The following FNDC1 variants were observed in gnomAD, a reference collection of about 807,000 sequenced individuals.
FNDC1 encodes fibronectin type III domain-containing protein 1.
A neutral mutation model predicts 168.0 loss-of-function variants in FNDC1; 96 were observed. That is an observed-to-expected ratio of 0.57 (90% confidence interval 0.48 to 0.68). The LOEUF is 0.68. Among genes scored for constraint, FNDC1 ranks in the 30% least tolerant of loss-of-function variants. FNDC1 has a pLI of 0.00. For missense variants in FNDC1, 2,587 were observed against 2,482.1 expected, an observed-to-expected ratio of 1.04 and a Z score of -0.90; for synonymous variants, 1,099 against 1,025.9, an observed-to-expected ratio of 1.07 and a Z score of -1.36.
chr6:159,233,519 C>G lies in FNDC1; in HGVS notation c.3007C>G (p.Gln1003Glu), dbSNP rs370434. 1,403,973 of 1,600,754 alleles carry G rather than the reference C, an allele frequency of 0.88. 618,194 individuals are homozygous for G. The highest frequency in any genetic ancestry group is 0.91 in the Middle Eastern group (5,492 of 6,056). ...PRRMTPGRAP[Q>E]QQPPPPVATS... ...AAGGATGACACCCGGCCGGGCCCCA[C>G]AACAGCAGCCCCCTCCTCCCGTCGC... is the stretch of plus-strand genomic sequence containing the variant. The change falls in exon 11 of 23, where the codon CAA becomes GAA. Residue 1003 changes from glutamine to glutamate, a missense_variant. Gln to Glu is a conservative substitution (Grantham distance 29, BLOSUM62 2). Coordinates refer to ENST00000297267, the MANE Select transcript of FNDC1 (RefSeq NM_032532.3). This position sits in a 1 kb window ranked among gnomAD's most constrained non-coding sequence, Gnocchi z 4.6.
In FNDC1 at chr6:159,251,480, C is replaced by T. The variant is rs763700928; in HGVS notation, c.5013C>T (p.His1671=). 3 of 1,613,802 alleles carry T rather than the reference C, an allele frequency of 1.9e-6. No individual in the cohort carries two copies. The African/African-American group carries it at 4.0e-5, about 22-fold the overall frequency. ...CCGTGGTGGCCGTGGAAGGTTGCCACTCATTTGTCATTGTGGACTGGGACA... is the reference window on the plus strand; with the variant it reads ...CCGTGGTGGCCGTGGAAGGTTGCCATTCATTTGTCATTGTGGACTGGGACA... The part of the protein sequence containing the change: ...NITVVAVEGC[H]SFVIVDWDKA... The change falls in exon 17 of 23, where the codon CAC becomes CAT. Residue 1671 remains histidine, a synonymous_variant. Transcript: ENST00000297267.
chr6:159,206,754 A>C (rs1782494353), intron 4 of FNDC1, among the ~76,000 whole-genome samples: 1 of 152,218 alleles, frequency 6.6e-6, no homozygotes, highest in Non-Finnish European at 1.5e-5. Flanking sequence ...GCCAAAAAAA[A>C]AGATGTGTGC....
At chr6:159,256,960 A>G (rs294888) in intron 18 of FNDC1, among the ~76,000 whole-genome samples, 99,463 of 152,138 alleles carry the variant, frequency 0.65, 33,477 homozygotes, top group Middle Eastern at 0.77. Flanking sequence ...ACTAGGCATC[A>G]TGACCTTCAT....
intron 18 of FNDC1, among the ~76,000 whole-genome samples, chr6:159,257,069 A>AAC (rs1365519308): frequency 2.0e-5 from 3 of 152,236 alleles, no homozygotes; most frequent in African/African-American, 4.8e-5. Context: ...TGCATTTTAC[A>AAC]CATTTGTAGA....
intron 1 of FNDC1, among the ~76,000 whole-genome samples, chr6:159,196,968 C>T (rs184743968): frequency 5.3e-5 from 8 of 152,278 alleles, no homozygotes; most frequent in African/African-American, 1.9e-4. Context: ...CTGCTGTTAT[C>T]TCACTTAGAA....
In FNDC1 at chr6:159,232,599, C is replaced by T. The variant is rs199926859; in HGVS notation, c.2087C>T (p.Pro696Leu). The T allele has an allele frequency of 5.0e-6, 8 of 1,607,796 alleles. No homozygotes were observed. The highest frequency in any genetic ancestry group is 5.1e-6 in the Non-Finnish European group (6 of 1,176,286). Residue 696 changes from proline to leucine, a missense_variant, in exon 11 of 23, where the codon CCG (proline) becomes CTG (leucine). By Grantham distance (98) the Pro-to-Leu change is moderately conservative. Coordinates refer to ENST00000297267, the MANE Select transcript of FNDC1 (RefSeq NM_032532.3). This position sits in a 1 kb window ranked among gnomAD's most constrained non-coding sequence, Gnocchi z 4.9. Reference protein sequence around the residue: ...SVHPGAKPASPARRTPHSGAA... With the variant: ...SVHPGAKPASLARRTPHSGAA... ...CACCCCGGCGCAAAGCCAGCCTCGC[C>T]GGCCCGGAGGACCCCCCATTCAGGG...
At chr6:159,214,689 CG>C (rs1782673290) in intron 4 of FNDC1, among the ~76,000 whole-genome samples, 1 of 152,190 alleles carries the variant, frequency 6.6e-6, no homozygotes. Flanking sequence ...AGATTTCTGG[CG>C]GGCAGTCTCA....
chr6:159,221,302 A>G (rs531711747), intron 5 of FNDC1, among the ~76,000 whole-genome samples: 1 of 152,128 alleles, frequency 6.6e-6, no homozygotes, highest in Admixed American at 6.5e-5. Flanking sequence ...CTTTTTGATG[A>G]TTTTGTTTTT....
intron 5 of FNDC1, 103 bp downstream of exon 5, chr6:159,215,254 G>A (rs1782686475): frequency 1.0e-6 from 1 of 996,116 alleles, no homozygotes; most frequent in Non-Finnish European, 1.5e-6. Flanking sequence ...TAGTTGTAAT[G>A]TCCACTTGCC....
intron 19 of FNDC1, 102 bp from the exon 20 acceptor site, chr6:159,264,873 T>C (rs1777557451): frequency 1.1e-6 from 1 of 903,670 alleles, no homozygotes; most frequent in African/African-American, 1.7e-5. Context: ...ATCTTTTTCT[T>C]TATTCTAATT....
intron 5 of FNDC1, among the ~76,000 whole-genome samples, chr6:159,216,116 C>CA (rs1246381721): frequency 1.3e-5 from 2 of 152,146 alleles, no homozygotes; most frequent in African/African-American, 4.8e-5. Flanking sequence ...CACGTGCCAC[C>CA]ACACCCAGCT....
chr6:159,260,936 C>T (rs1380230443), intron 18 of FNDC1, among the ~76,000 whole-genome samples: 1 of 152,218 alleles, frequency 6.6e-6, no homozygotes, highest in Non-Finnish European at 1.5e-5. Context: ...CAGCAAGCAA[C>T]CTGTGTTCTA....
rs1336194635 is a variant in FNDC1, at chr6:159,271,230, A to T, written c.5570-97A>T. ...TAGCGTTTTGTCACAAGAACAACTT[A>T]TCAGAGGCCTTCTGTCTGAAGGAGG... is the stretch of plus-strand genomic sequence containing the variant. On this transcript the variant is annotated intron_variant, in intron 22 of 22. Coordinates refer to ENST00000297267, the MANE Select transcript of FNDC1 (RefSeq NM_032532.3). The T allele has an allele frequency of 3.8e-6, 3 of 781,522 alleles. No individual in the cohort carries two copies. In the African/African-American group the frequency reaches 5.2e-5, roughly 14 times the overall value. 48.4% of individuals were successfully genotyped at this position (781,522 alleles called of 1,614,324 possible).
Position 159,175,375 on chromosome 6 carries a change from C to G in FNDC1, c.109+5670C>G, listed in dbSNP as rs1781740585. On this transcript the variant is annotated intron_variant, in intron 1 of 22. Transcript: ENST00000297267. Reference sequence around the variant, plus strand: ...TTCCCTAAGTCTGTAATCTAATACTCAGTCTTTGCGGTCCAGATCCCACAC... The same window carrying G: ...TTCCCTAAGTCTGTAATCTAATACTGAGTCTTTGCGGTCCAGATCCCACAC... 2.0e-5 allele frequency among the ~76,000 whole-genome samples: 3 copies of G among 152,132 alleles called. No homozygotes were observed. In the South Asian group the frequency reaches 6.2e-4, roughly 32 times the overall value.
chr6:159,261,712 G>A (rs1429316708), intron 19 of FNDC1, among the ~76,000 whole-genome samples: 5 of 152,076 alleles, frequency 3.3e-5, no homozygotes, highest in Non-Finnish European at 5.9e-5. Context: ...ATATTGAGAG[G>A]TTAATTACAG....
chr6:159,223,553 C>T lies in FNDC1; in HGVS notation c.792C>T (p.Asp264=), dbSNP rs778983338. 137 of 1,613,068 alleles carry T rather than the reference C, an allele frequency of 8.5e-5. 1 individual carries two copies. Among genetic ancestry groups the T allele is most frequent in the South Asian group, 9.9e-5 (9 of 90,986 alleles). ...ISEEDELDVP[D]DISVRVMSSQ... Reference sequence around the variant, plus strand: ...AAGAGGACGAATTGGATGTACCTGACGACATCAGCGTCCGGGTTATGTCAT... The same window carrying T: ...AAGAGGACGAATTGGATGTACCTGATGACATCAGCGTCCGGGTTATGTCAT... Residue 264 remains aspartate (D), a synonymous_variant, in exon 7 of 23, where the codon GAC becomes GAT. Transcript: ENST00000297267.
At position 159,232,918 on chromosome 6, in the gene FNDC1, G is replaced by A. The variant is rs1347954869; in HGVS notation, c.2406G>A (p.Glu802=). 6.2e-7 allele frequency: 1 copy of A among 1,611,868 alleles called. No individual in the cohort carries two copies. Among genetic ancestry groups the A allele is most frequent in the South Asian group, 1.1e-5 (1 of 90,964 alleles). ...GDREDGGRQA[E]ATAQTLRARP... is the part of the protein sequence containing the mutation. ...GGGAAGACGGCGGAAGGCAGGCGGAGGCCACGGCCCAGACGCTGCGGGCCC... is the reference window on the plus strand; with the variant it reads ...GGGAAGACGGCGGAAGGCAGGCGGAAGCCACGGCCCAGACGCTGCGGGCCC... The change falls in exon 11 of 23, where the codon GAG becomes GAA. Residue 802 remains glutamate, a synonymous_variant. Transcript: ENST00000297267. The surrounding 1 kb of genome is among the most constrained non-coding windows in gnomAD (Gnocchi z 4.9).
Position 159,269,273 on chromosome 6 carries a change from T to TATCCATCC in FNDC1, c.5569+1350_5569+1351insCATCCATC, listed in dbSNP as rs1562315776. Reference sequence around the variant, plus strand: ...TCCATCTATCATCTATCTATCTATCTATCTATCTATCTATCTATCCATCCA... The same window carrying TATCCATCC: ...TCCATCTATCATCTATCTATCTATCTATCCATCCATCTATCTATCTATCTATCCATCCA... On this transcript the variant is annotated intron_variant, in intron 22 of 22. Coordinates refer to ENST00000297267, the MANE Select transcript of FNDC1 (RefSeq NM_032532.3). Among the ~76,000 whole-genome samples, 18 of 89,566 alleles carry TATCCATCC rather than the reference T, an allele frequency of 2.0e-4. 1 individual carries two copies. Among genetic ancestry groups the TATCCATCC allele is most frequent in the Non-Finnish European group, 3.6e-4 (12 of 33,068 alleles). 58.8% of individuals were successfully genotyped at this position (89,566 alleles called of 152,430 possible).
intron 1 of FNDC1, among the ~76,000 whole-genome samples, chr6:159,180,908 T>C (rs1206098170): frequency 6.6e-6 from 1 of 152,146 alleles, no homozygotes; most frequent in African/African-American, 2.4e-5. Context: ...GTTGATTTCA[T>C]GTCTGCTGTT....
Sources: allele counts gnomAD v4.1 joint callset (sites outside exome capture counted in the v4.1 genomes callset), GRCh38; gene constraint gnomAD v4.1.1; non-coding constraint Gnocchi (gnomAD v3.1); transcripts MANE v1.5; gene names NCBI Gene and HGNC (gene_info 2026-07-23, HGNC 2026-07-21).